The following PDZRN3 variants were observed in gnomAD, a reference collection of about 807,000 sequenced individuals.
The protein encoded by PDZRN3 is E3 ubiquitin-protein ligase PDZRN3.
In PDZRN3, 38 loss-of-function variants were observed where a neutral mutation model predicts 85.7. The ratio of observed to expected loss-of-function variants is 0.44; its 90% CI spans 0.34 to 0.58. The LOEUF (loss-of-function observed/expected upper bound fraction) is 0.58. PDZRN3 is among the 20% of genes least tolerant of loss of function. The pLI is 0.01. For missense variants in PDZRN3, 1,629 were observed against 1,506.4 expected (o/e 1.08, Z -1.35); for synonymous variants, 759 against 638.0 (o/e 1.19, Z -2.86).
chr3:73,390,002 T>C, intron 6 of PDZRN3, 124 bp from the exon 7 acceptor site: 5 of 749,956 alleles, frequency 6.7e-6, no homozygotes, highest in Middle Eastern at 4.7e-4. Flanking sequence ...TGCACAGAAA[T>C]AAACAAGACT....
At chr3:73,541,904 T>C (rs1212663879) in intron 3 of PDZRN3, among the ~76,000 whole-genome samples, 2 of 152,222 alleles carry the variant, frequency 1.3e-5, no homozygotes, top group African/African-American at 4.8e-5. Context: ...TAGAAACCTA[T>C]GGGTGCTTGA....
rs1451596664 is a variant in PDZRN3, at chr3:73,383,862, G to A, written c.2704C>T (p.Leu902=). ...AVEYAQSQMS[L]VSMCKDLSSP... The stretch of plus-strand genomic sequence containing the variant: ...CTCAGGTCCTTGCACATGCTCACCA[G>A]GCTCATCTGGCTTTGCGCGTACTCC... Residue 902 remains leucine, a synonymous_variant, in exon 10 of 10, where the codon CTG becomes TTG. Coordinates refer to ENST00000263666, the MANE Select transcript of PDZRN3 (RefSeq NM_015009.3). 1.2e-6 allele frequency: 2 copies of A among 1,613,718 alleles called. No homozygotes were observed. Among genetic ancestry groups the A allele is most frequent in the Non-Finnish European group, 1.7e-6 (2 of 1,180,020 alleles).
At chr3:73,539,244 C>T (rs917752781) in intron 3 of PDZRN3, among the ~76,000 whole-genome samples, 5 of 152,146 alleles carry the variant, frequency 3.3e-5, no homozygotes, top group South Asian at 2.1e-4. Flanking sequence ...GACATAGTTT[C>T]GAACCACAAA....
At chr3:73,469,683 G>A (rs1017293927) in intron 3 of PDZRN3, among the ~76,000 whole-genome samples, 4 of 152,108 alleles carry the variant, frequency 2.6e-5, no homozygotes, top group African/African-American at 4.8e-5. Context: ...CTCATCAAAC[G>A]CTTATTGACT....
At chr3:73,418,725 T>C (rs563588761) in intron 3 of PDZRN3, among the ~76,000 whole-genome samples, 6 of 152,326 alleles carry the variant, frequency 3.9e-5, no homozygotes, top group South Asian at 2.1e-4. Context: ...TTTCTTGTTC[T>C]CAGGTTAGTT....
intron 3 of PDZRN3, among the ~76,000 whole-genome samples, chr3:73,488,435 C>T (rs1188236581): frequency 6.6e-6 from 1 of 152,190 alleles, no homozygotes; most frequent in African/African-American, 2.4e-5. Flanking sequence ...CAGGTTCTTT[C>T]CTACCACAGG....
chr3:73,443,082 G>A (rs550817851), intron 3 of PDZRN3, among the ~76,000 whole-genome samples: 4 of 152,302 alleles, frequency 2.6e-5, no homozygotes, highest in South Asian at 2.1e-4. Flanking sequence ...CCCCACCACC[G>A]GCCCAGTGGG....
intron 3 of PDZRN3, among the ~76,000 whole-genome samples, chr3:73,584,223 T>A (rs1056177123): frequency 6.6e-6 from 1 of 152,180 alleles, no homozygotes; most frequent in African/African-American, 2.4e-5. Context: ...GCATCCTTGT[T>A]ACAGGAGCAT....
intron 3 of PDZRN3, among the ~76,000 whole-genome samples, chr3:73,588,172 G>A (rs1040658836): frequency 6.6e-6 from 1 of 152,104 alleles, no homozygotes; most frequent in South Asian, 2.1e-4. Context: ...TCATGAGTGA[G>A]AACGTGCAGT....
chr3:73,428,066 G>A (rs1335005733), intron 3 of PDZRN3, among the ~76,000 whole-genome samples: 1 of 152,156 alleles, frequency 6.6e-6, no homozygotes, highest in Non-Finnish European at 1.5e-5. Flanking sequence ...GAATAAGGTG[G>A]GTTCTGGGTC....
Position 73,418,574 on chromosome 3 carries a change from C to G in PDZRN3, c.919-14179G>C, listed in dbSNP as rs140258126. On this transcript the variant is annotated intron_variant, in intron 3 of 9. Transcript: ENST00000263666. ...TATTTCAGATCACTCCCCATCTGGT[C>G]TTCTATGAATGCTTTACAGCCTTTG... Among the ~76,000 whole-genome samples the G allele has an allele frequency of 1.1e-4, 17 of 152,288 alleles. No homozygotes were observed. In the East Asian group the frequency reaches 3.3e-3, roughly 29 times the overall value.
chr3:73,501,336 C>G (rs1026229473), intron 3 of PDZRN3, among the ~76,000 whole-genome samples: 2 of 152,102 alleles, frequency 1.3e-5, no homozygotes, highest in Admixed American at 1.3e-4. Flanking sequence ...TGATGCCCTC[C>G]ATTCAGGATC....
intron 3 of PDZRN3, among the ~76,000 whole-genome samples, chr3:73,554,548 C>T (rs144679179): frequency 2.6e-5 from 4 of 152,148 alleles, no homozygotes; most frequent in African/African-American, 4.8e-5. Context: ...CCATAATGTA[C>T]GTTCAAAGGG....
rs560413469 is a variant in PDZRN3 at position 73,497,811 on chromosome 3, GC to G, written c.919-93417del. The stretch of plus-strand genomic sequence containing the variant: ...GGCCGGCACAGCGCCCCCCGTCCCC[GC>G]CCCCGCCAACAGCTCAGCGCAGTGA... On this transcript the variant is annotated intron_variant, in intron 3 of 9. Coordinates refer to ENST00000263666, the MANE Select transcript of PDZRN3 (RefSeq NM_015009.3). Among the ~76,000 whole-genome samples the G allele has an allele frequency of 7.5e-5, 11 of 146,372 alleles. No individual in the cohort carries two copies. In the South Asian group the frequency reaches 2.3e-3, roughly 31 times the overall value.
At chr3:73,516,366 A>T (rs1474750283) in intron 3 of PDZRN3, among the ~76,000 whole-genome samples, 2 of 152,194 alleles carry the variant, frequency 1.3e-5, no homozygotes, top group Non-Finnish European at 1.5e-5. Context: ...ATGTCAACAC[A>T]CCCATCAATG....
chr3:73,525,496 T>G (rs1704500625), intron 3 of PDZRN3, among the ~76,000 whole-genome samples: 1 of 152,186 alleles, frequency 6.6e-6, no homozygotes, highest in Non-Finnish European at 1.5e-5. Flanking sequence ...AAGCAAAGGC[T>G]GAATCCCTTT....
chr3:73,479,883 G>A (rs1575681322), intron 3 of PDZRN3, among the ~76,000 whole-genome samples: 1 of 152,240 alleles, frequency 6.6e-6, no homozygotes, highest in East Asian at 1.9e-4. Context: ...GTTGCGGGGG[G>A]CGGGGGTAGA....
At chr3:73,594,130 A>G (rs1702399544) in intron 3 of PDZRN3, 1 of 152,166 alleles carries the variant, frequency 6.6e-6, no homozygotes, top group South Asian at 2.1e-4. Context: ...AGTAATAAAT[A>G]TAACAAAGCC....
chr3:73,544,750 C>T (rs1183502934), intron 3 of PDZRN3, among the ~76,000 whole-genome samples: 2 of 151,588 alleles, frequency 1.3e-5, no homozygotes, highest in South Asian at 2.1e-4. Context: ...TTTAAAAATG[C>T]TATAAAATCA....
Sources: allele counts gnomAD v4.1 joint callset (sites outside exome capture counted in the v4.1 genomes callset), GRCh38; gene constraint gnomAD v4.1.1; transcripts MANE v1.5; gene names NCBI Gene and HGNC (gene_info 2026-07-23, HGNC 2026-07-21).